Variants in CAMTA1 observed in about 807,000 individuals in gnomAD.
CAMTA1 encodes calmodulin-binding transcription activator 1.
Under a neutral mutation model 170.9 loss-of-function variants are expected in CAMTA1, and 27 were observed. The observed-to-expected ratio is 0.16, with a 90% confidence interval of 0.12 to 0.22. The LOEUF (loss-of-function observed/expected upper bound fraction) is 0.22. Among genes scored for constraint, CAMTA1 ranks in the 10% least tolerant of loss-of-function variants. The pLI, the probability that CAMTA1 is intolerant of heterozygous loss-of-function variation, is 1.00. For missense variants in CAMTA1, 1,619 were observed against 2,217.2 expected (o/e 0.73, Z 5.42); for synonymous variants, 833 against 891.5 (o/e 0.93, Z 1.17).
rs115521329 is a variant in CAMTA1 at position 7,634,599 on chromosome 1, C to T, written c.511-5801C>T. Among the ~76,000 whole-genome samples, 959 of 151,604 alleles carry T rather than the reference C, an allele frequency of 6.3e-3. 6 individuals carry two copies. The highest frequency in any genetic ancestry group is 0.022 in the African/African-American group (926 of 41,306). Reference sequence around the variant, plus strand: ...GAGAGGGAAAGAGGGAGAAAGAGAGCGAGAGAGAGGGAGGCCAGAGCCCCA... The same window carrying T: ...GAGAGGGAAAGAGGGAGAAAGAGAGTGAGAGAGAGGGAGGCCAGAGCCCCA... On this transcript the variant is annotated intron_variant, in intron 6 of 22. Coordinates refer to ENST00000303635, the MANE Select transcript of CAMTA1 (RefSeq NM_015215.4). This position sits in a 1 kb window ranked among gnomAD's most constrained non-coding sequence, Gnocchi z 6.2.
At chr1:7,332,499 C>T (rs1343013094) in intron 5 of CAMTA1, among the ~76,000 whole-genome samples, 1 of 152,086 alleles carries the variant, frequency 6.6e-6, no homozygotes, top group African/African-American at 2.4e-5. Flanking sequence ...AGAATTGTAC[C>T]CTTGGAATTT....
At chr1:6,973,254 A>T (rs1486681719) in intron 3 of CAMTA1, among the ~76,000 whole-genome samples, 1 of 152,188 alleles carries the variant, frequency 6.6e-6, no homozygotes, top group Non-Finnish European at 1.5e-5. Context: ...CTGAAATTTT[A>T]TACATGTTGA....
At chr1:6,943,376 G>GGA (rs1687011852) in intron 3 of CAMTA1, among the ~76,000 whole-genome samples, 2 of 152,010 alleles carry the variant, frequency 1.3e-5, no homozygotes, top group South Asian at 4.2e-4. Flanking sequence ...GTGGCAGAGG[G>GGA]GAGGAGGCAC....
intron 3 of CAMTA1, among the ~76,000 whole-genome samples, chr1:6,910,683 T>C (rs1170466610): frequency 6.6e-6 from 1 of 152,228 alleles, no homozygotes; most frequent in African/African-American, 2.4e-5. Flanking sequence ...CTTTTCTGTT[T>C]ATAGAGCGCA....
intron 6 of CAMTA1, among the ~76,000 whole-genome samples, chr1:7,479,078 C>T (rs1386232227): frequency 6.6e-6 from 1 of 152,212 alleles, no homozygotes; most frequent in African/African-American, 2.4e-5. Flanking sequence ...TGCTGGGCCT[C>T]CAGCTGCACC....
chr1:7,035,774 C>T (rs1484279207), intron 3 of CAMTA1, among the ~76,000 whole-genome samples: 1 of 152,160 alleles, frequency 6.6e-6, no homozygotes, highest in Non-Finnish European at 1.5e-5. Flanking sequence ...GAGACATGAG[C>T]AAGAATGTTC....
At chr1:7,371,834 C>T (rs985332348) in intron 5 of CAMTA1, among the ~76,000 whole-genome samples, 1 of 152,196 alleles carries the variant, frequency 6.6e-6, no homozygotes, top group East Asian at 1.9e-4. Flanking sequence ...ATTTTGTCCC[C>T]CCACTCCAGG....
intron 4 of CAMTA1, among the ~76,000 whole-genome samples, chr1:7,180,734 G>A (rs116293354): frequency 0.02 from 2,981 of 151,986 alleles, 98 homozygotes; most frequent in African/African-American, 0.067. Flanking sequence ...CTGGTCTTGA[G>A]CACCGGGGCT....
In CAMTA1 at chr1:7,734,803, T is replaced by G. The variant is rs2096759150; in HGVS notation, c.3067-1541T>G. ...AAAATCAGCGAGGAGCCATAGTATT[T>G]CTGTAGTAAGTAAAGTTTATGGAGT... On this transcript the variant is annotated intron_variant, in intron 12 of 22. Transcript: ENST00000303635. Among the ~76,000 whole-genome samples the G allele has an allele frequency of 3.9e-5, 6 of 152,196 alleles. 1 individual carries two copies. In the South Asian group the frequency reaches 1.2e-3, roughly 32 times the overall value.
At chr1:7,407,533 GT>G (rs1575152685) in intron 5 of CAMTA1, among the ~76,000 whole-genome samples, 1 of 152,344 alleles carries the variant, frequency 6.6e-6, no homozygotes, top group East Asian at 1.9e-4. Context: ...CCTTGAGGGA[GT>G]TGGTTCCCTG....
At chr1:7,193,537 C>T (rs1306244016) in intron 4 of CAMTA1, among the ~76,000 whole-genome samples, 1 of 151,602 alleles carries the variant, frequency 6.6e-6, no homozygotes, top group Non-Finnish European at 1.5e-5. Flanking sequence ...CACTTACCTG[C>T]TGTCATCAGA....
chr1:7,154,274 C>A (rs193152664), intron 4 of CAMTA1, among the ~76,000 whole-genome samples: 1 of 152,184 alleles, frequency 6.6e-6, no homozygotes, highest in African/African-American at 2.4e-5. Context: ...AGACTCCCGT[C>A]TGTAGGTGTT....
At chr1:7,174,669 TCTG>T (rs1210531712) in intron 4 of CAMTA1, among the ~76,000 whole-genome samples, 1 of 152,140 alleles carries the variant, frequency 6.6e-6, no homozygotes, top group Non-Finnish European at 1.5e-5. Context: ...GAGACCCAGT[TCTG>T]CAGAGCTCAG....
intron 1 of CAMTA1, among the ~76,000 whole-genome samples, chr1:6,815,862 T>C (rs536863443): frequency 1.9e-4 from 29 of 152,272 alleles, no homozygotes; most frequent in South Asian, 1.5e-3. Context: ...AAGAAGATCC[T>C]AAGATAACCC....
chr1:6,857,969 T>C (rs1663074588), intron 3 of CAMTA1, among the ~76,000 whole-genome samples: 1 of 152,244 alleles, frequency 6.6e-6, no homozygotes, highest in Admixed American at 6.5e-5. Flanking sequence ...ATTTTAGTTT[T>C]ACTCACTGCT....
intron 3 of CAMTA1, among the ~76,000 whole-genome samples, chr1:6,906,688 A>G (rs945139536): frequency 1.3e-5 from 2 of 152,136 alleles, no homozygotes; most frequent in Admixed American, 1.3e-4. Flanking sequence ...ATGTGTGCCT[A>G]CCTTCCCCAC....
chr1:6,955,018 G>A (rs1355680598), intron 3 of CAMTA1, among the ~76,000 whole-genome samples: 3 of 151,980 alleles, frequency 2.0e-5, no homozygotes, highest in Admixed American at 2.0e-4. Flanking sequence ...TTTATTGATT[G>A]TTGTCTCCGG....
chr1:7,648,999 G>GCCACAC (rs907282388), intron 7 of CAMTA1, among the ~76,000 whole-genome samples: 9 of 152,232 alleles, frequency 5.9e-5, no homozygotes, highest in African/African-American at 2.2e-4. Flanking sequence ...GGCGTTGGAG[G>GCCACAC]CCACACGGAG....
intron 3 of CAMTA1, among the ~76,000 whole-genome samples, chr1:7,028,878 CAT>C (rs1451907544): frequency 1.3e-5 from 2 of 151,822 alleles, no homozygotes; most frequent in Non-Finnish European, 2.9e-5. Flanking sequence ...AAAAATGCGA[CAT>C]GTTGTCAGAT....
Sources: gnomAD v4.1 joint callset for allele counts (sites outside exome capture counted in the v4.1 genomes callset) on GRCh38, gnomAD v4.1.1 for gene constraint, Gnocchi (gnomAD v3.1) non-coding constraint, MANE v1.5 for transcripts, NCBI Gene and HGNC (gene_info 2026-07-23, HGNC 2026-07-21) for gene names.